Variants in ST18 observed in about 807,000 individuals in gnomAD.
ST18 encodes the protein suppression of tumorigenicity 18 protein.
A neutral mutation model predicts 110.0 loss-of-function variants in ST18; 50 were observed. The ratio of observed to expected loss-of-function variants is 0.45; its 90% CI spans 0.36 to 0.58. The LOEUF (loss-of-function observed/expected upper bound fraction) is 0.58, where lower values mean the gene tolerates loss of function less well. Ranked by LOEUF, ST18 falls within the 20% of genes least tolerant of loss-of-function variation. ST18 has a pLI of 0.00. For synonymous variants in ST18, 461 were observed against 452.4 expected, an observed-to-expected ratio of 1.02 and a Z score of -0.24; for missense variants, 1,306 against 1,280.1, an observed-to-expected ratio of 1.02 and a Z score of -0.31.
intron 3 of ST18, among the ~76,000 whole-genome samples, chr8:52,224,378 T>C (rs2136532042): frequency 6.6e-6 from 1 of 152,368 alleles, no homozygotes; most frequent in Non-Finnish European, 1.5e-5. Flanking sequence ...TTTGCCACTT[T>C]ATATTTATGC....
At chr8:52,228,430 T>C (rs112358147) in intron 3 of ST18, among the ~76,000 whole-genome samples, 1,621 of 152,336 alleles carry the variant, frequency 0.011, 24 homozygotes, top group African/African-American at 0.035. Context: ...TCCTGACTGT[T>C]GTGCATCTAC....
At chr8:52,402,717 C>G (rs977315808) in intron 2 of ST18, among the ~76,000 whole-genome samples, 2 of 152,174 alleles carry the variant, frequency 1.3e-5, no homozygotes, top group Non-Finnish European at 2.9e-5. Flanking sequence ...GACCCAAGAA[C>G]AGTGGAGCAC....
chr8:52,261,794 G>A (rs2094701186), intron 2 of ST18, among the ~76,000 whole-genome samples: 1 of 152,048 alleles, frequency 6.6e-6, no homozygotes, highest in Non-Finnish European at 1.5e-5. Flanking sequence ...TCCCAGGACC[G>A]AGTCTTTCTA....
Position 52,116,376 on chromosome 8 carries a change from TCTC to T in ST18, c.2899_2901del (p.Glu967del). 13 of 1,613,978 alleles carry T rather than the reference TCTC, an allele frequency of 8.1e-6. No homozygotes were observed. The highest frequency in any genetic ancestry group is 8.5e-6 in the Non-Finnish European group (10 of 1,179,940). On this transcript the variant is annotated inframe_deletion, in exon 25 of 26. Transcript: ENST00000689386. ...TCATTGTTCTGTTCTATGAGTTTGTTCTCCTCCTCTATCGTCTTTAAGTTGCTC... is the reference window on the plus strand; with the variant it reads ...TCATTGTTCTGTTCTATGAGTTTGTTCTCCTCTATCGTCTTTAAGTTGCTC...
intron 2 of ST18, among the ~76,000 whole-genome samples, chr8:52,276,296 C>T (rs1200717193): frequency 1.4e-5 from 2 of 143,594 alleles, no homozygotes; most frequent in Non-Finnish European, 3.1e-5. Context: ...TACCACACAA[C>T]CACATACCAC....
chr8:52,278,612 A>G (rs1297594061), intron 2 of ST18, among the ~76,000 whole-genome samples: 1 of 152,210 alleles, frequency 6.6e-6, no homozygotes, highest in East Asian at 1.9e-4. Flanking sequence ...AGAAATGCTC[A>G]TTATGAAAAG....
chr8:52,195,100 C>T (rs2075787575), intron 8 of ST18, among the ~76,000 whole-genome samples: 1 of 152,160 alleles, frequency 6.6e-6, no homozygotes, highest in South Asian at 2.1e-4. Context: ...ACTGCATAGC[C>T]ATGGATTAGC....
chr8:52,291,873 C>T (rs1426022170), intron 2 of ST18, among the ~76,000 whole-genome samples: 1 of 152,088 alleles, frequency 6.6e-6, no homozygotes, highest in Non-Finnish European at 1.5e-5. Flanking sequence ...CTCCTCGGCT[C>T]AAGTGATCCT....
chr8:52,225,599 A>C (rs1564171550), intron 3 of ST18, among the ~76,000 whole-genome samples: 1 of 152,232 alleles, frequency 6.6e-6, no homozygotes, highest in Admixed American at 6.5e-5. Context: ...AGCAGCAAGC[A>C]GGCCTGATTA....
intron 23 of ST18, among the ~76,000 whole-genome samples, chr8:52,125,383 G>A (rs974286625): frequency 4.3e-5 from 6 of 140,388 alleles, no homozygotes; most frequent in South Asian, 2.2e-4. Context: ...AGAAAAACGC[G>A]CACGTACACA....
At chr8:52,248,484 T>C (rs1013040016) in intron 2 of ST18, 1 of 152,216 alleles carries the variant, frequency 6.6e-6, no homozygotes, top group African/African-American at 2.4e-5. Flanking sequence ...TTTACCTGAA[T>C]GTCTTGTAAC....
intron 10 of ST18, among the ~76,000 whole-genome samples, chr8:52,169,895 C>T (rs2064222486): frequency 6.6e-6 from 1 of 152,090 alleles, no homozygotes; most frequent in Admixed American, 6.5e-5. Flanking sequence ...AGTAGGAATT[C>T]GGTAAGCCTC....
intron 2 of ST18, among the ~76,000 whole-genome samples, chr8:52,243,477 A>G (rs2093605531): frequency 6.6e-6 from 1 of 152,170 alleles, no homozygotes; most frequent in Non-Finnish European, 1.5e-5. Context: ...TTCTGTTCCC[A>G]GAGACCTATA....
chr8:52,125,221 G>C (rs190250012), intron 23 of ST18, among the ~76,000 whole-genome samples: 34 of 152,224 alleles, frequency 2.2e-4, no homozygotes, highest in Non-Finnish European at 3.1e-4. Context: ...AATATCTAGG[G>C]AAATGTAGAT....
intron 15 of ST18, among the ~76,000 whole-genome samples, chr8:52,157,178 G>T (rs1050479700): frequency 1.3e-5 from 2 of 152,078 alleles, no homozygotes; most frequent in Admixed American, 1.3e-4. Flanking sequence ...TTTTAAAATA[G>T]AACACATATT....
At chr8:52,341,204 G>T (rs1311513514) in intron 2 of ST18, among the ~76,000 whole-genome samples, 1 of 152,100 alleles carries the variant, frequency 6.6e-6, no homozygotes, top group Non-Finnish European at 1.5e-5. Context: ...TTTTGTTTTT[G>T]TTTTTGTTTT....
intron 9 of ST18, among the ~76,000 whole-genome samples, chr8:52,178,645 C>CAAAAAAAAAAAAAAAAAAAAAAAAAAAA (rs1563897561): frequency 1.3e-4 from 4 of 30,108 alleles, no homozygotes; most frequent in Non-Finnish European, 1.8e-4. Flanking sequence ...AAAAAAAAAC[C>CAAAAAAAAAAAAAAAAAAAAAAAAAAAA]ACCAAAAACC....
At chr8:52,159,171 G>T (rs2060775872) in intron 14 of ST18, 62 bp from the exon 15 acceptor site, 8 of 1,489,060 alleles carry the variant, frequency 5.4e-6, no homozygotes, top group South Asian at 2.5e-5. Flanking sequence ...AAACAGATTT[G>T]TTTTTTTTAA....
At chr8:52,282,765 G>A (rs537271247) in intron 2 of ST18, among the ~76,000 whole-genome samples, 7 of 152,172 alleles carry the variant, frequency 4.6e-5, no homozygotes, top group East Asian at 1.9e-4. Context: ...GGTGAGGCTC[G>A]TACAACACCT....
Sources: allele counts gnomAD v4.1 joint callset (sites outside exome capture counted in the v4.1 genomes callset), GRCh38; gene constraint gnomAD v4.1.1; transcripts MANE v1.5; gene names NCBI Gene and HGNC (gene_info 2026-07-23, HGNC 2026-07-21).